The following SPAG16 variants were observed in gnomAD, a reference collection of about 807,000 sequenced individuals.
SPAG16 encodes the protein sperm associated antigen 16, also known as sperm-associated antigen 16 protein.
A neutral mutation model predicts 80.4 loss-of-function variants in SPAG16; 86 were observed. The ratio of observed to expected loss-of-function variants is 1.07; its 90% CI spans 0.90 to 1.28. The LOEUF is 1.28. SPAG16 is among the 50% of genes most tolerant of loss of function. The probability of loss-of-function intolerance (pLI) is 0.00; values close to 1 mark genes in which losing one functional copy is unlikely to be tolerated. For synonymous variants in SPAG16, 294 were observed against 265.9 expected, an observed-to-expected ratio of 1.11 and a Z score of -1.03; for missense variants, 870 against 765.3, an observed-to-expected ratio of 1.14 and a Z score of -1.61.
At chr2:213,712,064 A>G (rs921963836) in intron 10 of SPAG16, among the ~76,000 whole-genome samples, 5 of 152,064 alleles carry the variant, frequency 3.3e-5, no homozygotes, top group Non-Finnish European at 7.4e-5. Context: ...ATTTACATAG[A>G]CTGCAATATA....
At chr2:213,293,253 G>T (rs1323778511) in intron 1 of SPAG16, among the ~76,000 whole-genome samples, 3 of 152,212 alleles carry the variant, frequency 2.0e-5, no homozygotes, top group East Asian at 3.8e-4. Context: ...GCAGAACTAT[G>T]AGTCAATTAA....
At position 213,781,948 on chromosome 2, in the gene SPAG16, A is replaced by G. The variant is rs2070006467; in HGVS notation, c.1071-80537A>G. 3.9e-5 allele frequency among the ~76,000 whole-genome samples: 6 copies of G among 152,306 alleles called. 1 individual carries two copies. The South Asian group carries it at 1.2e-3, about 32-fold the overall frequency. On this transcript the variant is annotated intron_variant, in intron 10 of 15. Coordinates refer to ENST00000331683, the MANE Select transcript of SPAG16 (RefSeq NM_024532.5). ...TTTATAACTAGAGCAAAAAGAGCTA[A>G]TAGAGGCACGTTTTCTATAGCAATA...
intron 11 of SPAG16, among the ~76,000 whole-genome samples, chr2:213,873,905 C>T (rs1335010528): frequency 6.6e-6 from 1 of 152,082 alleles, no homozygotes; most frequent in Non-Finnish European, 1.5e-5. Context: ...ACTGCTCTTC[C>T]AGGCTATATA....
intron 13 of SPAG16, among the ~76,000 whole-genome samples, chr2:214,046,436 A>T (rs1464010951): frequency 2.6e-5 from 4 of 152,232 alleles, no homozygotes. Context: ...ATGAATATTG[A>T]TACAAAAATC....
intron 9 of SPAG16, among the ~76,000 whole-genome samples, chr2:213,377,501 G>A (rs1335789319): frequency 6.6e-6 from 1 of 152,156 alleles, no homozygotes; most frequent in Non-Finnish European, 1.5e-5. Context: ...CCAGCTTTAT[G>A]TAACACAAAT....
chr2:213,753,868 G>C (rs1218045174), intron 10 of SPAG16, among the ~76,000 whole-genome samples: 3 of 152,192 alleles, frequency 2.0e-5, no homozygotes, highest in African/African-American at 4.8e-5. Flanking sequence ...GATATGGCCA[G>C]ATTATCAGGA....
intron 10 of SPAG16, among the ~76,000 whole-genome samples, chr2:213,854,625 T>C (rs968218277): frequency 6.6e-6 from 1 of 152,204 alleles, no homozygotes; most frequent in Non-Finnish European, 1.5e-5. Context: ...TGTACAAGTA[T>C]TAACTTTAAA....
At chr2:213,686,851 G>A (rs1000914868) in intron 10 of SPAG16, among the ~76,000 whole-genome samples, 1 of 151,494 alleles carries the variant, frequency 6.6e-6, no homozygotes, top group Non-Finnish European at 1.5e-5. Flanking sequence ...ACCTGGCTAA[G>A]TTTTTGTATT....
intron 12 of SPAG16, among the ~76,000 whole-genome samples, chr2:213,983,336 C>T (rs1443731906): frequency 6.6e-6 from 1 of 151,782 alleles, no homozygotes; most frequent in Non-Finnish European, 1.5e-5. Flanking sequence ...AAGTTTGAGG[C>T]AGTTTGTTTT....
At chr2:213,977,926 C>T (rs1397342533) in intron 12 of SPAG16, among the ~76,000 whole-genome samples, 1 of 152,058 alleles carries the variant, frequency 6.6e-6, no homozygotes, top group Admixed American at 6.6e-5. Flanking sequence ...TCTCTACCCT[C>T]TTCCACTGAG....
chr2:214,194,830 A>T (rs1035180836), intron 15 of SPAG16, among the ~76,000 whole-genome samples: 2 of 152,064 alleles, frequency 1.3e-5, no homozygotes, highest in African/African-American at 4.8e-5. Flanking sequence ...TAAAGGGAAA[A>T]ATTCTGCACA....
intron 15 of SPAG16, among the ~76,000 whole-genome samples, chr2:214,174,344 C>T: frequency 6.6e-6 from 1 of 151,820 alleles, no homozygotes; most frequent in Non-Finnish European, 1.5e-5. Context: ...TTGTCTCAGC[C>T]CAAAATCTCC....
At chr2:213,513,128 G>C (rs1326653124) in intron 10 of SPAG16, among the ~76,000 whole-genome samples, 2 of 152,046 alleles carry the variant, frequency 1.3e-5, no homozygotes, top group East Asian at 1.9e-4. Flanking sequence ...TGTATGTTTT[G>C]TTTTGTCTGT....
chr2:214,356,731 C>G (rs1559238847), intron 15 of SPAG16, among the ~76,000 whole-genome samples: 1 of 152,074 alleles, frequency 6.6e-6, no homozygotes, highest in Admixed American at 6.6e-5. Context: ...TCTCACGCCA[C>G]AGTTTTCTCT....
intron 15 of SPAG16, among the ~76,000 whole-genome samples, chr2:214,198,188 C>T (rs114236932): frequency 1.1e-4 from 16 of 151,884 alleles, no homozygotes; most frequent in African/African-American, 3.6e-4. Flanking sequence ...TTTGGTGCAC[C>T]GTCACCTGAG....
At chr2:213,929,540 T>C (rs1575579446) in intron 11 of SPAG16, among the ~76,000 whole-genome samples, 2 of 152,206 alleles carry the variant, frequency 1.3e-5, no homozygotes, top group East Asian at 3.9e-4. Flanking sequence ...AATCTAAACA[T>C]AAGCAATGCT....
intron 10 of SPAG16, among the ~76,000 whole-genome samples, chr2:213,812,065 G>C (rs2072193110): frequency 6.6e-6 from 1 of 152,140 alleles, no homozygotes; most frequent in Non-Finnish European, 1.5e-5. Flanking sequence ...GAACAGAGAT[G>C]GTGAGATTCA....
intron 15 of SPAG16, among the ~76,000 whole-genome samples, chr2:214,179,920 A>G (rs1415482375): frequency 6.6e-6 from 1 of 151,544 alleles, no homozygotes; most frequent in African/African-American, 2.4e-5. Flanking sequence ...AAACATGTAA[A>G]TGGTGTTAGA....
At chr2:214,324,050 T>G (rs771592799) in intron 15 of SPAG16, among the ~76,000 whole-genome samples, 9 of 152,208 alleles carry the variant, frequency 5.9e-5, no homozygotes, top group Non-Finnish European at 4.4e-5. Context: ...AACCTTTAAT[T>G]AATGAATGCA....
Sources: allele counts gnomAD v4.1 joint callset (sites outside exome capture counted in the v4.1 genomes callset), GRCh38; gene constraint gnomAD v4.1.1; transcripts MANE v1.5; gene names NCBI Gene and HGNC (gene_info 2026-07-23, HGNC 2026-07-21).